The following MSRA variants were observed in gnomAD, a reference collection of about 807,000 sequenced individuals.
MSRA encodes mitochondrial peptide methionine sulfoxide reductase.
Under a neutral mutation model 31.3 loss-of-function variants are expected in MSRA, and 54 were observed. The ratio of observed to expected loss-of-function variants is 1.73; its 90% confidence interval spans 1.39 to 2.17. The LOEUF (loss-of-function observed/expected upper bound fraction) is 2.17, where lower values mean the gene tolerates loss of function less well. Ranked by LOEUF, MSRA falls within the 30% of genes most tolerant of loss-of-function variation. The probability of loss-of-function intolerance (pLI) is 0.00; values close to 1 mark genes in which losing one functional copy is unlikely to be tolerated. For missense variants in MSRA, 507 were observed against 300.9 expected, an observed-to-expected ratio of 1.69 and a Z score of -5.07; for synonymous variants, 169 against 116.5, an observed-to-expected ratio of 1.45 and a Z score of -2.90.
intron 2 of MSRA, among the ~76,000 whole-genome samples, chr8:10,243,126 G>C (rs978881725): frequency 3.3e-5 from 5 of 152,196 alleles, no homozygotes; most frequent in African/African-American, 1.2e-4. Context: ...GGACAGGCTA[G>C]CTACTAAAAT....
At chr8:10,082,908 G>T (rs1417794519) in intron 1 of MSRA, among the ~76,000 whole-genome samples, 2 of 152,232 alleles carry the variant, frequency 1.3e-5, no homozygotes, top group Non-Finnish European at 2.9e-5. Flanking sequence ...GATGTGCTCA[G>T]CACGGTGCTA....
intron 4 of MSRA, among the ~76,000 whole-genome samples, chr8:10,314,369 G>C (rs1801600245): frequency 6.6e-6 from 1 of 151,892 alleles, no homozygotes; most frequent in Admixed American, 6.6e-5. Flanking sequence ...ATGGGCAAAG[G>C]ACTTGAATTG....
At chr8:10,068,952 C>G (rs996901850) in intron 1 of MSRA, among the ~76,000 whole-genome samples, 1 of 152,142 alleles carries the variant, frequency 6.6e-6, no homozygotes, top group African/African-American at 2.4e-5. Flanking sequence ...AGATATATTT[C>G]TTTCATCAGA....
At chr8:10,202,564 G>A (rs555841731) in intron 1 of MSRA, among the ~76,000 whole-genome samples, 1 of 152,194 alleles carries the variant, frequency 6.6e-6, no homozygotes, top group South Asian at 2.1e-4. Context: ...TATGGGTACT[G>A]TGTTGAGAAA....
intron 1 of MSRA, among the ~76,000 whole-genome samples, chr8:10,136,460 G>A (rs1411309577): frequency 6.6e-6 from 1 of 152,200 alleles, no homozygotes; most frequent in African/African-American, 2.4e-5. Flanking sequence ...ACAAGTCCCA[G>A]CTCGGGAGCC....
intron 5 of MSRA, among the ~76,000 whole-genome samples, chr8:10,328,213 A>G (rs1266298242): frequency 6.7e-6 from 1 of 150,222 alleles, no homozygotes; most frequent in African/African-American, 2.5e-5. Flanking sequence ...CACCCCCTGT[A>G]AACAAGTCCC....
chr8:10,266,976 G>A (rs1798779494), intron 3 of MSRA, among the ~76,000 whole-genome samples: 1 of 152,124 alleles, frequency 6.6e-6, no homozygotes, highest in Non-Finnish European at 1.5e-5. Flanking sequence ...AGGTCATTAA[G>A]GGCAATCAGT....
intron 1 of MSRA, among the ~76,000 whole-genome samples, chr8:10,120,832 G>T (rs1025168525): frequency 4.6e-5 from 7 of 152,240 alleles, no homozygotes; most frequent in African/African-American, 1.7e-4. Context: ...CATGGTTTCG[G>T]CTTATTTGGC....
At chr8:10,402,359 A>G (rs1807518739) in intron 5 of MSRA, among the ~76,000 whole-genome samples, 1 of 152,226 alleles carries the variant, frequency 6.6e-6, no homozygotes, top group Non-Finnish European at 1.5e-5. Context: ...CAGGCCTCTG[A>G]TGCTGAACGC....
chr8:10,271,984 A>G (rs1053945993), intron 3 of MSRA, among the ~76,000 whole-genome samples: 2 of 152,220 alleles, frequency 1.3e-5, no homozygotes, highest in African/African-American at 2.4e-5. Context: ...CTGGGATTAC[A>G]GGCGTGAGCC....
chr8:10,215,425 A>G (rs1413774111), intron 2 of MSRA, among the ~76,000 whole-genome samples: 2 of 152,224 alleles, frequency 1.3e-5, no homozygotes, highest in Non-Finnish European at 2.9e-5. Flanking sequence ...CATGGGGATG[A>G]CAGACCAGCC....
intron 1 of MSRA, among the ~76,000 whole-genome samples, chr8:10,101,391 CAT>C (rs1188936726): frequency 6.6e-6 from 1 of 152,016 alleles, no homozygotes; most frequent in Non-Finnish European, 1.5e-5. Context: ...ATATGCATAA[CAT>C]ATTTTACCGT....
intron 1 of MSRA, among the ~76,000 whole-genome samples, chr8:10,084,659 T>C (rs1237127459): frequency 1.3e-5 from 2 of 152,190 alleles, no homozygotes; most frequent in African/African-American, 4.8e-5. Flanking sequence ...GGGTTGATGA[T>C]ACCCTGATGA....
chr8:10,248,286 T>C (rs956919562), intron 3 of MSRA, among the ~76,000 whole-genome samples: 1 of 152,242 alleles, frequency 6.6e-6, no homozygotes. Context: ...ACCTGGATTG[T>C]GTGCAGATTC....
rs955063361 is a variant in MSRA, at chr8:10,237,868, T to G, written c.212-7236T>G. ...GTCTAAACCACCATTATCTCTCACTTGGATTACAGCCATAGTTTCTTAACC... is the reference window on the plus strand; with the variant it reads ...GTCTAAACCACCATTATCTCTCACTGGGATTACAGCCATAGTTTCTTAACC... On this transcript the variant is annotated intron_variant, in intron 2 of 5. Transcript: ENST00000317173. 3.9e-5 allele frequency among the ~76,000 whole-genome samples: 6 copies of G among 152,226 alleles called. No homozygotes were observed. In the East Asian group the frequency reaches 9.6e-4, roughly 24 times the overall value.
In MSRA at chr8:10,340,915, C is replaced by T. The variant is rs529638427; in HGVS notation, c.543+20926C>T. ...TTGTGTGGTAATCAAAATGGTATTT[C>T]TTTGAGAAAAAAGATGCCCCTGATA... On this transcript the variant is annotated intron_variant, in intron 5 of 5. Transcript: ENST00000317173. Among the ~76,000 whole-genome samples the T allele has an allele frequency of 2.0e-4, 30 of 152,246 alleles. 1 individual carries two copies. In the South Asian group the frequency reaches 6.0e-3, roughly 30 times the overall value.
chr8:10,172,619 A>G (rs1184688893), intron 1 of MSRA, among the ~76,000 whole-genome samples: 1 of 152,160 alleles, frequency 6.6e-6, no homozygotes, highest in Non-Finnish European at 1.5e-5. Context: ...TAAGGGGGCA[A>G]AAGAAATGGC....
At chr8:10,366,526 G>A (rs1805175863) in intron 5 of MSRA, among the ~76,000 whole-genome samples, 1 of 152,244 alleles carries the variant, frequency 6.6e-6, no homozygotes. Flanking sequence ...GGGTCTTGAT[G>A]TGAGGGTCAG....
chr8:10,171,907 C>G (rs1484789335), intron 1 of MSRA, among the ~76,000 whole-genome samples: 1 of 152,128 alleles, frequency 6.6e-6, no homozygotes, highest in Non-Finnish European at 1.5e-5. Context: ...GTTTATGTGC[C>G]TCTTAATAGA....
Sources: allele counts gnomAD v4.1 joint callset (sites outside exome capture counted in the v4.1 genomes callset), GRCh38; gene constraint gnomAD v4.1.1; transcripts MANE v1.5; gene names NCBI Gene and HGNC (gene_info 2026-07-23, HGNC 2026-07-21).